ADGRV1: variants seen among roughly 807,000 people sequenced by gnomAD.
ADGRV1 encodes adhesion G protein-coupled receptor V1, also known as G-protein coupled receptor 98.
In ADGRV1, 359 loss-of-function variants were observed where a neutral mutation model predicts 596.2. The ratio of observed to expected loss-of-function variants is 0.60; its 90% CI spans 0.55 to 0.66. The LOEUF (loss-of-function observed/expected upper bound fraction) is 0.66, where lower values mean the gene tolerates loss of function less well. Among genes scored for constraint, ADGRV1 ranks in the 30% least tolerant of loss-of-function variants. The pLI is 0.00. For synonymous variants in ADGRV1, 2,681 were observed against 2,679.2 expected, an observed-to-expected ratio of 1.00 and a Z score of -0.02; for missense variants, 7,274 against 7,575.6, an observed-to-expected ratio of 0.96 and a Z score of 1.48.
intron 86 of ADGRV1, among the ~76,000 whole-genome samples, chr5:91,074,089 A>C (rs1395854312): frequency 6.6e-6 from 1 of 152,224 alleles, no homozygotes; most frequent in African/African-American, 2.4e-5. Flanking sequence ...GGGACACAGA[A>C]GTTATCTAGA....
intron 4 of ADGRV1, among the ~76,000 whole-genome samples, chr5:90,622,010 G>A (rs1003292932): frequency 1.3e-5 from 2 of 152,176 alleles, no homozygotes; most frequent in South Asian, 4.1e-4. Flanking sequence ...GCTGGCAGCT[G>A]CTTCTGTAGC....
intron 87 of ADGRV1, among the ~76,000 whole-genome samples, chr5:91,147,311 A>G (rs571149208): frequency 6.6e-6 from 1 of 152,180 alleles, no homozygotes; most frequent in East Asian, 1.9e-4. Context: ...GTAAATTCTC[A>G]GCTTTTAGTA....
Position 90,651,672 on chromosome 5 carries a change from A to AT in ADGRV1, c.3364dup (p.Ser1122PhefsTer15), listed in dbSNP as rs779424764. 11 of 1,612,642 alleles carry AT rather than the reference A, an allele frequency of 6.8e-6. No homozygotes were observed. Among genetic ancestry groups the AT allele is most frequent in the African/African-American group, 1.3e-5 (1 of 74,894 alleles). ...TGAAGCTAATGATGACCCAAATGGCATTTTTTCTCTGGAGCCCATAGACAA... is the reference window on the plus strand; with the variant it reads ...TGAAGCTAATGATGACCCAAATGGCATTTTTTTCTCTGGAGCCCATAGACAA... On this transcript the variant is annotated frameshift_variant, in exon 18 of 90. Transcript: ENST00000405460. LOFTEE classifies it high-confidence loss of function.
At chr5:91,095,662 T>C (rs1790789903) in intron 86 of ADGRV1, among the ~76,000 whole-genome samples, 1 of 152,206 alleles carries the variant, frequency 6.6e-6, no homozygotes, top group Non-Finnish European at 1.5e-5. Flanking sequence ...TATCTGTGAA[T>C]TTCAGAATAA....
At chr5:91,122,796 G>A (rs939410525) in intron 87 of ADGRV1, among the ~76,000 whole-genome samples, 1 of 152,084 alleles carries the variant, frequency 6.6e-6, no homozygotes, top group Non-Finnish European at 1.5e-5. Context: ...TCTTTCTCTT[G>A]CCCCCTCTCC....
chr5:90,749,713 A>G (rs1292110718), intron 52 of ADGRV1, among the ~76,000 whole-genome samples: 2 of 152,196 alleles, frequency 1.3e-5, no homozygotes, highest in African/African-American at 4.8e-5. Flanking sequence ...TTGTAAGAAG[A>G]GATTCTTTGA....
chr5:90,587,613 GTGGTGCAATCTTCGCTCAC>G (rs1758939855), intron 1 of ADGRV1, among the ~76,000 whole-genome samples: 1 of 146,210 alleles, frequency 6.8e-6, no homozygotes, highest in African/African-American at 2.5e-5. Context: ...CTGGAGTGCA[GTGGTGCAATCTTCGCTCAC>G]TGCAACCTCT....
chr5:91,057,689 AT>A (rs1159464868), intron 85 of ADGRV1, among the ~76,000 whole-genome samples: 1 of 152,024 alleles, frequency 6.6e-6, no homozygotes, highest in African/African-American at 2.4e-5. Flanking sequence ...ACTGAAGCCA[AT>A]TTTTTTTGGA....
chr5:91,163,669 A>AT, intron 89 of ADGRV1, 113 bp from the exon 90 acceptor site: 1 of 539,510 alleles, frequency 1.9e-6, no homozygotes, highest in Non-Finnish European at 3.4e-6. Flanking sequence ...TGTATGGCTT[A>AT]TTTTTTACTA....
rs777780563 is a variant in ADGRV1, at chr5:90,622,593, A to G, written c.454-4A>G. On this transcript the variant is annotated splice_polypyrimidine_tract_variant and splice_region_variant and intron_variant, in intron 4 of 89. Transcript: ENST00000405460. ...TGATCATCTGTGCTTGCTTTCCTCA[A>G]TAGCTTCCCTCAATCGCAGTGAGTG... The G allele has an allele frequency of 2.1e-6, 3 of 1,414,768 alleles. No individual in the cohort carries two copies. Among genetic ancestry groups the G allele is most frequent in the Admixed American group, 2.7e-5 (1 of 36,642 alleles). 87.6% of individuals were successfully genotyped at this position (1,414,768 alleles called of 1,614,324 possible).
At chr5:90,612,824 G>A (rs75978320) in intron 1 of ADGRV1, among the ~76,000 whole-genome samples, 2,680 of 152,020 alleles carry the variant, frequency 0.018, 73 homozygotes, top group African/African-American at 0.061. Context: ...TACAAATTTG[G>A]CCTTTTGTAT....
intron 67 of ADGRV1, among the ~76,000 whole-genome samples, chr5:90,784,999 A>G (rs545093826): frequency 6.6e-6 from 1 of 152,342 alleles, no homozygotes; most frequent in African/African-American, 2.4e-5. Flanking sequence ...TGGAGGCATC[A>G]TGCTACCTGA....
intron 59 of ADGRV1, among the ~76,000 whole-genome samples, chr5:90,767,831 G>T (rs1472987651): frequency 1.3e-5 from 2 of 152,112 alleles, no homozygotes; most frequent in African/African-American, 4.8e-5. Flanking sequence ...CACATGTTCT[G>T]CCATCATTCT....
chr5:90,569,388 T>TATATATATATA (rs1554048594), intron 1 of ADGRV1, among the ~76,000 whole-genome samples: 11 of 18,814 alleles, frequency 5.8e-4, no homozygotes, highest in African/African-American at 1.2e-3. Flanking sequence ...TATATATATA[T>TATATATATATA]TTTTTTTTTT....
Position 91,027,446 on chromosome 5 carries a change from G to A in ADGRV1, c.18152+41924G>A, listed in dbSNP as rs114391342. ...GTGTATTTCCTTGGTTGGCAAGATG[G>A]CAAGGCCAGCCCAGAACATTGAAAG... On this transcript the variant is annotated intron_variant, in intron 85 of 89. Transcript: ENST00000405460. Among the ~76,000 whole-genome samples the A allele has an allele frequency of 9.4e-3, 1,427 of 152,162 alleles. 14 individuals are homozygous for A. Among genetic ancestry groups the A allele is most frequent in the African/African-American group, 0.031 (1,282 of 41,526 alleles).
intron 83 of ADGRV1, among the ~76,000 whole-genome samples, chr5:90,927,719 C>A (rs1266673435): frequency 6.6e-6 from 1 of 151,834 alleles, no homozygotes; most frequent in Non-Finnish European, 1.5e-5. Flanking sequence ...GCAGTTTCTT[C>A]CTAGTCTTGA....
chr5:90,898,442 A>T (rs532447455), intron 83 of ADGRV1, among the ~76,000 whole-genome samples: 9 of 152,112 alleles, frequency 5.9e-5, no homozygotes, highest in Non-Finnish European at 1.3e-4. Context: ...GATAGTAGAG[A>T]TTCATTTTTA....
At chr5:90,774,610 A>G (rs1758030571) in intron 60 of ADGRV1, among the ~76,000 whole-genome samples, 1 of 152,192 alleles carries the variant, frequency 6.6e-6, no homozygotes, top group African/African-American at 2.4e-5. Flanking sequence ...TAAATGGTCC[A>G]ACAGTAGGAG....
At chr5:90,833,467 C>T (rs2443083) in intron 77 of ADGRV1, among the ~76,000 whole-genome samples, 148,588 of 152,128 alleles carry the variant, frequency 0.98, 72,651 homozygotes, top group East Asian at 1. Context: ...GTAGTTTTTG[C>T]AGAAATGGGA....
Sources: gnomAD v4.1 joint callset for allele counts (sites outside exome capture counted in the v4.1 genomes callset) on GRCh38, gnomAD v4.1.1 for gene constraint, MANE v1.5 for transcripts, NCBI Gene and HGNC (gene_info 2026-07-23, HGNC 2026-07-21) for gene names.